IRS1: variants seen among roughly 807,000 people sequenced by gnomAD.
IRS1 encodes the protein insulin receptor substrate 1.
Under a neutral mutation model 65.6 loss-of-function variants are expected in IRS1, and 34 were observed. That is an observed-to-expected ratio of 0.52 (90% CI 0.39 to 0.69). The LOEUF is 0.69. Among genes scored for constraint, IRS1 ranks in the 30% least tolerant of loss-of-function variants. IRS1 has a pLI of 0.00. For synonymous variants in IRS1, 699 were observed against 683.5 expected, an observed-to-expected ratio of 1.02 and a Z score of -0.35; for missense variants, 1,641 against 1,720.2, an observed-to-expected ratio of 0.95 and a Z score of 0.81.
At position 226,797,007 on chromosome 2, in the gene IRS1, G is replaced by A. The variant is rs771429209; in HGVS notation, c.1732C>T (p.Pro578Ser). The A allele has an allele frequency of 1.1e-5, 18 of 1,600,834 alleles. No individual in the cohort carries two copies. Among genetic ancestry groups the A allele is most frequent in the Non-Finnish European group, 1.5e-5 (17 of 1,171,580 alleles). Residue 578 changes from proline to serine, a missense_variant, in exon 1 of 2, where the codon CCC (proline) becomes TCC (serine). Pro to Ser is a moderately conservative substitution (Grantham distance 74). Transcript: ENST00000305123. This position sits in a 1 kb window ranked among gnomAD's most constrained non-coding sequence, Gnocchi z 8.1. ...LPGHRHSAFVPTRSYPEEGLE... is the reference protein window; with the variant it reads ...LPGHRHSAFVSTRSYPEEGLE... ...CCCTCCTCTGGGTAGGAGCGGGTGG[G>A]CACGAAGGCGGAGTGCCTGTGTCCC... is the stretch of plus-strand genomic sequence containing the variant.
At chr2:226,752,891 G>A (rs371173842) in intron 1 of IRS1, among the ~76,000 whole-genome samples, 11 of 152,146 alleles carry the variant, frequency 7.2e-5, no homozygotes, top group African/African-American at 1.4e-4. Context: ...ACTGAGCTGC[G>A]GTTTCACGGT....
Position 226,797,187 on chromosome 2 carries a change from C to T in IRS1, c.1552G>A (p.Asp518Asn). Residue 518 changes from aspartate (D) to asparagine (N), a missense_variant, in exon 1 of 2, where the codon GAT (aspartate) becomes AAT (asparagine). Around this residue, in one of 3 missense-constraint regions of IRS1, gnomAD observed 1,324 missense variants for 1,361.0 expected, o/e 0.97. Transcript: ENST00000305123. This position sits in a 1 kb window ranked among gnomAD's most constrained non-coding sequence, Gnocchi z 8.1. ...TGAGTTCTCTTTCGGAACCGATTAT[C>T]CAGATCTGCAGCACTGGCTGCTTCA... Reference protein sequence around the residue: ...GDEAASAADLDNRFRKRTHSA... With the variant: ...GDEAASAADLNNRFRKRTHSA... 1 of 1,613,978 alleles carries T rather than the reference C, an allele frequency of 6.2e-7. No homozygotes were observed. Among genetic ancestry groups the T allele is most frequent in the Non-Finnish European group, 8.5e-7 (1 of 1,180,020 alleles).
chr2:226,780,839 T>C (rs1295536542), intron 1 of IRS1, among the ~76,000 whole-genome samples: 3 of 152,260 alleles, frequency 2.0e-5, no homozygotes, highest in Admixed American at 6.5e-5. Context: ...TGGTTTGAGA[T>C]ACTCAAAAAA....
rs149950210 is a variant in IRS1 at position 226,752,312 on chromosome 2, T to C, written c.*22-16062A>G. ...GTCTGTGTGTGGTGATAACTTCCACTGAGGCCAGCAGACAGTAGCAAACTG... is the reference window on the plus strand; with the variant it reads ...GTCTGTGTGTGGTGATAACTTCCACCGAGGCCAGCAGACAGTAGCAAACTG... On this transcript the variant is annotated intron_variant, in intron 1 of 1. Transcript: ENST00000305123. Among the ~76,000 whole-genome samples, 973 of 152,298 alleles carry C rather than the reference T, an allele frequency of 6.4e-3. 11 individuals carry two copies. Among genetic ancestry groups the C allele is most frequent in the African/African-American group, 0.023 (935 of 41,544 alleles).
Position 226,797,109 on chromosome 2 carries a change from AG to A in IRS1, c.1629del (p.Ser544GlnfsTer11). The A allele has an allele frequency of 6.2e-7, 1 of 1,613,742 alleles. No individual in the cohort carries two copies. On this transcript the variant is annotated frameshift_variant, in exon 1 of 2. Transcript: ENST00000305123. LOFTEE classifies it high-confidence loss of function. The surrounding 1 kb of genome is among the most constrained non-coding windows in gnomAD (Gnocchi z 8.1). ...GTGTACTCCTCAATGGAAGCCACTG[AG>A]GACTGGGACGGGGTCTTCTGGTGGG... ...TITHQKTPSQ[S>X]SVASIEEYTE... is the part of the protein sequence containing the mutation.
rs994815527 is a variant in IRS1 at position 226,734,504 on chromosome 2, C to T, written c.*1768G>A. ...TTTGAGTAGAGCTGGGGTCCCCAAA[C>T]AGTTCATCAGGAGGCAGCAGCCACT... On this transcript the variant is annotated 3_prime_UTR_variant, in exon 2 of 2. Transcript: ENST00000305123. The T allele has an allele frequency of 5.3e-5, 8 of 152,224 alleles. No homozygotes were observed. Among genetic ancestry groups the T allele is most frequent in the African/African-American group, 1.9e-4 (8 of 41,436 alleles). The allele number at this position is 152,224 out of a possible 1,614,324, so 9.4% of individuals were successfully genotyped here.
At chr2:226,744,147 C>G (rs1046538620) in intron 1 of IRS1, among the ~76,000 whole-genome samples, 11 of 152,176 alleles carry the variant, frequency 7.2e-5, no homozygotes, top group Non-Finnish European at 1.5e-4. Flanking sequence ...AGGTAAGAAT[C>G]ATTAACACCA....
At chr2:226,760,716 GT>G (rs1426427875) in intron 1 of IRS1, among the ~76,000 whole-genome samples, 4 of 152,144 alleles carry the variant, frequency 2.6e-5, no homozygotes, top group Non-Finnish European at 4.4e-5. Flanking sequence ...AAGGCTAAAT[GT>G]TTAATCCCTC....
intron 1 of IRS1, among the ~76,000 whole-genome samples, chr2:226,753,352 G>A (rs1353382188): frequency 1.3e-5 from 2 of 152,102 alleles, no homozygotes; most frequent in Non-Finnish European, 2.9e-5. Flanking sequence ...AACTAAAAGG[G>A]CAATTCAAAA....
intron 1 of IRS1, among the ~76,000 whole-genome samples, chr2:226,759,766 A>C (rs961889723): frequency 2.0e-5 from 3 of 152,218 alleles, no homozygotes; most frequent in Admixed American, 6.5e-5. Context: ...ATACAAGAGA[A>C]TCAGAAGTCA....
rs1162485952 is a variant in IRS1 at position 226,735,884 on chromosome 2, CAGTT to C, written c.*384_*387del. ...ATTTACAATGATGCTTTGTCGTACACAGTTTCAGCAGCAGATGAAATGTATCTTG... is the reference window on the plus strand; with the variant it reads ...ATTTACAATGATGCTTTGTCGTACACTCAGCAGCAGATGAAATGTATCTTG... On this transcript the variant is annotated 3_prime_UTR_variant, in exon 2 of 2. Transcript: ENST00000305123. 6.6e-6 allele frequency: 1 copy of C among 152,658 alleles called. No homozygotes were observed. Among genetic ancestry groups the C allele is most frequent in the Non-Finnish European group, 1.5e-5 (1 of 68,034 alleles). The allele number at this position is 152,658 out of a possible 1,614,324, so 9.5% of individuals were successfully genotyped here. A position where few individuals can be genotyped will look rare whatever the true frequency, so the allele number is the denominator to read the frequency against.
chr2:226,762,357 C>CAAAA (rs67318812), intron 1 of IRS1, among the ~76,000 whole-genome samples: 2 of 119,832 alleles, frequency 1.7e-5, no homozygotes, highest in African/African-American at 3.6e-5. Flanking sequence ...CATAAAAATG[C>CAAAA]AAAAAAAAAA....
chr2:226,744,928 C>T (rs1336267819), intron 1 of IRS1, among the ~76,000 whole-genome samples: 4 of 151,466 alleles, frequency 2.6e-5, no homozygotes, highest in Admixed American at 1.3e-4. Flanking sequence ...TTCTTTGAAG[C>T]GAACTGTTCT....
chr2:226,759,716 A>G (rs954208186), intron 1 of IRS1, among the ~76,000 whole-genome samples: 1 of 152,144 alleles, frequency 6.6e-6, no homozygotes, highest in Non-Finnish European at 1.5e-5. Context: ...CCCTTTTTTG[A>G]TATAACTTAA....
At chr2:226,748,173 A>G (rs1364760397) in intron 1 of IRS1, among the ~76,000 whole-genome samples, 1 of 151,996 alleles carries the variant, frequency 6.6e-6, no homozygotes, top group East Asian at 1.9e-4. Context: ...CACACCTGTA[A>G]TACCAGCACT....
rs375958129 is a variant in IRS1, at chr2:226,762,690, CAGA to C, written c.*22-26443_*22-26441del. Among the ~76,000 whole-genome samples, 19 of 152,262 alleles carry C rather than the reference CAGA, an allele frequency of 1.2e-4. No homozygotes were observed. In the East Asian group the frequency reaches 2.1e-3, roughly 17 times the overall value. ...GCTGGCTCCTGGCCTACTGTAAAGC[CAGA>C]AGAACTATAGGTTGGTGCAAATGTA... On this transcript the variant is annotated intron_variant, in intron 1 of 1. Coordinates refer to ENST00000305123, the MANE Select transcript of IRS1 (RefSeq NM_005544.3).
chr2:226,798,795 G>A lies in IRS1; in HGVS notation c.-57C>T. 1.3e-6 allele frequency: 2 copies of A among 1,566,686 alleles called. No individual in the cohort carries two copies. Among genetic ancestry groups the A allele is most frequent in the Non-Finnish European group, 1.7e-6 (2 of 1,156,946 alleles). On this transcript the variant is annotated 5_prime_UTR_variant, in exon 1 of 2. Transcript: ENST00000305123. The surrounding 1 kb of genome is among the most constrained non-coding windows in gnomAD (Gnocchi z 9.4). The stretch of plus-strand genomic sequence containing the variant: ...GGGAGGCTCCGAAAAACAACCGGGT[G>A]GGGGGCGGAGGCTCCTCGCCGCGGC...
At chr2:226,765,657 A>C (rs1939017606) in intron 1 of IRS1, among the ~76,000 whole-genome samples, 1 of 152,178 alleles carries the variant, frequency 6.6e-6, no homozygotes, top group Non-Finnish European at 1.5e-5. Context: ...GCTTTGGAGC[A>C]ACGAGAAAAC....
rs989814158 is a variant in IRS1, at chr2:226,731,918, C to T, written c.*4354G>A. 1.3e-5 allele frequency: 2 copies of T among 152,004 alleles called. No homozygotes were observed. Among genetic ancestry groups the T allele is most frequent in the African/African-American group, 4.8e-5 (2 of 41,378 alleles). 9.4% of individuals were successfully genotyped at this position (152,004 alleles called of 1,614,324 possible). Reference sequence around the variant, plus strand: ...TTACTGAATTTGTCCTATCCTATGGCATACTCGTTAACAGCATAAGCAAAG... The same window carrying T: ...TTACTGAATTTGTCCTATCCTATGGTATACTCGTTAACAGCATAAGCAAAG... On this transcript the variant is annotated 3_prime_UTR_variant, in exon 2 of 2. Transcript: ENST00000305123.
Sources: gnomAD v4.1 joint callset for allele counts (sites outside exome capture counted in the v4.1 genomes callset) on GRCh38, gnomAD v4.1.1 for gene constraint, gnomAD v4.1.1 regional missense constraint, Gnocchi (gnomAD v3.1) non-coding constraint, MANE v1.5 for transcripts, NCBI Gene and HGNC (gene_info 2026-07-23, HGNC 2026-07-21) for gene names.